NFIB: variants seen among roughly 807,000 people sequenced by gnomAD.
NFIB encodes nuclear factor I B, also known as nuclear factor 1 B-type.
A neutral mutation model predicts 61.5 loss-of-function variants in NFIB; 11 were observed. The ratio of observed to expected loss-of-function variants is 0.18; its 90% CI spans 0.11 to 0.30. The LOEUF is 0.30. Ranked by LOEUF, NFIB falls within the 10% of genes least tolerant of loss-of-function variation. The pLI is 1.00. For missense variants in NFIB, 471 were observed against 608.9 expected, an observed-to-expected ratio of 0.77 and a Z score of 2.38; for synonymous variants, 260 against 216.5, an observed-to-expected ratio of 1.20 and a Z score of -1.76.
At chr9:14,108,415 C>T (rs1329890343) in intron 10 of NFIB, among the ~76,000 whole-genome samples, 2 of 151,938 alleles carry the variant, frequency 1.3e-5, no homozygotes, top group Non-Finnish European at 2.9e-5. Context: ...TAAAAAAATC[C>T]TACAGAAGTA....
rs762358702 is a variant in NFIB, at chr9:14,083,867, G to T, written c.*4442C>A. The T allele has an allele frequency of 4.4e-6, 1 of 224,976 alleles. No individual in the cohort carries two copies. Among genetic ancestry groups the T allele is most frequent in the Non-Finnish European group, 8.9e-6 (1 of 112,770 alleles). 13.9% of individuals were successfully genotyped at this position (224,976 alleles called of 1,614,324 possible). ...TTATGTGAGACATAGCACTGTTTTA[G>T]TTTTCTGCCTATCCTGAATGCTCTG... On this transcript the variant is annotated 3_prime_UTR_variant, in exon 11 of 11. Coordinates refer to ENST00000380953, the MANE Select transcript of NFIB (RefSeq NM_001190737.2).
chr9:14,110,951 G>A (rs185934360), intron 10 of NFIB, among the ~76,000 whole-genome samples: 41 of 152,112 alleles, frequency 2.7e-4, no homozygotes, highest in Admixed American at 5.2e-4. Context: ...TGTCTGCATG[G>A]TATTTAACAT....
chr9:14,441,371 T>A, the NFIB span, among the ~76,000 whole-genome samples: 3 of 152,176 alleles, frequency 2.0e-5, no homozygotes, highest in East Asian at 5.8e-4. Context: ...CGATTTTAAT[T>A]GCATTTTTAA....
At chr9:14,110,012 T>G (rs937117336) in intron 10 of NFIB, among the ~76,000 whole-genome samples, 8 of 152,108 alleles carry the variant, frequency 5.3e-5, no homozygotes, top group Non-Finnish European at 1.0e-4. Context: ...TGAAAGTGTA[T>G]ACTTTTAGTA....
intron 1 of NFIB, among the ~76,000 whole-genome samples, chr9:14,350,957 C>G (rs560616269): frequency 4.6e-5 from 7 of 152,276 alleles, no homozygotes; most frequent in African/African-American, 1.7e-4. Flanking sequence ...TTTCTACCCA[C>G]TAGACTACCT....
chr9:14,468,888 A>G, the NFIB span, among the ~76,000 whole-genome samples: 2 of 152,210 alleles, frequency 1.3e-5, no homozygotes, highest in East Asian at 3.8e-4. Flanking sequence ...GAAGACCACC[A>G]TTTGGAATAA....
chr9:14,143,015 G>A (rs1312112208), intron 6 of NFIB, among the ~76,000 whole-genome samples: 1 of 151,912 alleles, frequency 6.6e-6, no homozygotes, highest in African/African-American at 2.4e-5. Context: ...TATAGATGCT[G>A]ACAAATTTAA....
At chr9:14,453,411 C>T in the NFIB span, among the ~76,000 whole-genome samples, 1 of 152,212 alleles carries the variant, frequency 6.6e-6, no homozygotes, top group Non-Finnish European at 1.5e-5. Flanking sequence ...AATACAAGTG[C>T]TTACATCCTA....
At chr9:14,305,476 T>C (rs1461518248) in intron 2 of NFIB, among the ~76,000 whole-genome samples, 1 of 152,242 alleles carries the variant, frequency 6.6e-6, no homozygotes, top group African/African-American at 2.4e-5. Context: ...CATGTGTTAC[T>C]GAGTTTTATT....
chr9:14,409,852 CA>C, the NFIB span, among the ~76,000 whole-genome samples: 1 of 152,050 alleles, frequency 6.6e-6, no homozygotes, highest in African/African-American at 2.4e-5. Flanking sequence ...ATTAAAAGAA[CA>C]GATGGTTAAG....
At chr9:14,521,848 G>A in the NFIB span, among the ~76,000 whole-genome samples, 1 of 152,308 alleles carries the variant, frequency 6.6e-6, no homozygotes, top group Non-Finnish European at 1.5e-5. Context: ...GGCTTTGAAT[G>A]CTCAATAATT....
the NFIB span, among the ~76,000 whole-genome samples, chr9:14,481,199 A>ATATATATATATATATATATG: frequency 3.1e-3 from 57 of 18,230 alleles, 1 homozygote; most frequent in African/African-American, 0.016. Context: ...GTGTGTGTGT[A>ATATATATATATATATATATG]TATATATATA....
the NFIB span, among the ~76,000 whole-genome samples, chr9:14,428,650 A>T: frequency 6.6e-6 from 1 of 152,196 alleles, no homozygotes; most frequent in Non-Finnish European, 1.5e-5. Flanking sequence ...CATTAATCAC[A>T]CTTTCTTTTG....
intron 8 of NFIB, among the ~76,000 whole-genome samples, chr9:14,119,227 G>A (rs1052018072): frequency 8.5e-5 from 13 of 152,170 alleles, no homozygotes; most frequent in African/African-American, 2.6e-4. Flanking sequence ...ATTTCTAAAC[G>A]ATATACTAAG....
rs762269932 is a variant in NFIB at position 14,307,408 on chromosome 9, C to G, written c.143G>C (p.Arg48Pro). Reference protein sequence around the residue: ...KRKYFKKHEKRMSKDEERAVK... With the variant: ...KRKYFKKHEKPMSKDEERAVK... ...TGCTCTTTCTTCATCCTTTGACATT[C>G]GCTTCTCATGCTTTTTAAAGTACTT... The change falls in exon 2 of 11, where the codon CGA (arginine) becomes CCA (proline). Residue 48 changes from arginine to proline, a missense_variant. Transcript: ENST00000380953. The surrounding 1 kb of genome is among the most constrained non-coding windows in gnomAD (Gnocchi z 5.3). The G allele has an allele frequency of 6.2e-7, 1 of 1,613,854 alleles. No homozygotes were observed. Among genetic ancestry groups the G allele is most frequent in the African/African-American group, 1.3e-5 (1 of 74,854 alleles).
At chr9:14,507,561 C>T in the NFIB span, among the ~76,000 whole-genome samples, 2 of 152,124 alleles carry the variant, frequency 1.3e-5, no homozygotes, top group African/African-American at 2.4e-5. Flanking sequence ...CACTAAATAC[C>T]GGTTTGGTTT....
At chr9:14,259,150 T>C (rs1322989) in intron 2 of NFIB, among the ~76,000 whole-genome samples, 1 of 152,232 alleles carries the variant, frequency 6.6e-6, no homozygotes, top group Non-Finnish European at 1.5e-5. Flanking sequence ...ATCTCATTCA[T>C]TGTTACATAC....
upstream of NFIB, among the ~76,000 whole-genome samples, chr9:14,315,249 C>A (rs1361931378): frequency 6.6e-6 from 1 of 151,482 alleles, no homozygotes; most frequent in African/African-American, 2.4e-5. Context: ...ACCAGGGGCC[C>A]GCACCCGAGG....
intron 2 of NFIB, among the ~76,000 whole-genome samples, chr9:14,195,662 C>T (rs1474345023): frequency 6.6e-6 from 1 of 152,164 alleles, no homozygotes; most frequent in Non-Finnish European, 1.5e-5. Context: ...AATCTGGATC[C>T]CAAAGCCAAA....
Sources: gnomAD v4.1 joint callset for allele counts (sites outside exome capture counted in the v4.1 genomes callset) on GRCh38, gnomAD v4.1.1 for gene constraint, Gnocchi (gnomAD v3.1) non-coding constraint, MANE v1.5 for transcripts, NCBI Gene and HGNC (gene_info 2026-07-23, HGNC 2026-07-21) for gene names.